The following UNC13B variants were observed in gnomAD, a reference collection of about 807,000 sequenced individuals.
UNC13B encodes the protein unc-13 homolog B, also known as protein unc-13 homolog B.
UNC13B carries 144 observed loss-of-function variants against 211.0 expected under a neutral mutation model. That is an observed-to-expected ratio of 0.68 (90% CI 0.60 to 0.78). The LOEUF is 0.78. UNC13B is among the 30% of genes least tolerant of loss of function. The probability of loss-of-function intolerance (pLI) is 0.00; values close to 1 mark genes in which losing one functional copy is unlikely to be tolerated. For synonymous variants in UNC13B, 709 were observed against 725.8 expected (o/e 0.98, Z 0.37); for missense variants, 1,777 against 2,002.0 (o/e 0.89, Z 2.14).
intron 3 of UNC13B, 140 bp from the exon 4 acceptor site, chr9:35,236,326 GGTC>G: frequency 3.1e-6 from 2 of 644,150 alleles, no homozygotes; most frequent in Non-Finnish European, 5.3e-6. Context: ...GCCTAAAAAT[GGTC>G]GTGGCATTCT....
rs542779022 is a variant in UNC13B, at chr9:35,300,349, G to T, written c.945G>T (p.Gly315=). ...LCHTEKKQNM[G]YPVLYPYKNG... The stretch of plus-strand genomic sequence containing the variant: ...ATACTGAAAAGAAACAAAATATGGG[G>T]TACCCAGTTTTGTACCCCTACAAAA... Residue 315 remains glycine (G), a synonymous_variant, in exon 9 of 40, where the codon GGG becomes GGT. Transcript: ENST00000635942. The T allele has an allele frequency of 1.1e-4, 42 of 398,922 alleles. No homozygotes were observed. The highest frequency in any genetic ancestry group is 7.8e-4 in the African/African-American group (38 of 48,736). 24.7% of individuals were successfully genotyped at this position (398,922 alleles called of 1,614,324 possible).
chr9:35,281,216 C>T (rs1329363411), intron 7 of UNC13B, among the ~76,000 whole-genome samples: 1 of 150,172 alleles, frequency 6.7e-6, no homozygotes, highest in African/African-American at 2.5e-5. Context: ...CGCCACTGCA[C>T]TCCAGCCTGG....
Position 35,236,454 on chromosome 9 carries a change from T to A in UNC13B, c.153-15T>A. 1 of 1,605,238 alleles carries A rather than the reference T, an allele frequency of 6.2e-7. No individual in the cohort carries two copies. Among genetic ancestry groups the A allele is most frequent in the Non-Finnish European group, 8.5e-7 (1 of 1,172,350 alleles). The stretch of plus-strand genomic sequence containing the variant: ...TTGTCTAGCTTTCCTCAAAGGGCTT[T>A]CCTCTTTCCCTTAGTGAGATTAGTC... On this transcript the variant is annotated splice_polypyrimidine_tract_variant and intron_variant, in intron 3 of 39. Transcript: ENST00000635942.
chr9:35,376,275 G>T (rs1168728551), intron 15 of UNC13B, 28 bp downstream of exon 15: 1 of 1,607,090 alleles, frequency 6.2e-7, no homozygotes, highest in Non-Finnish European at 8.5e-7. Context: ...TGAGGGGCGG[G>T]GAGTGGGGCA....
chr9:35,168,163 C>G (rs1387856056), intron 1 of UNC13B, among the ~76,000 whole-genome samples: 1 of 152,080 alleles, frequency 6.6e-6, no homozygotes, highest in Non-Finnish European at 1.5e-5. Context: ...AGTGATCTGC[C>G]CACCTTGGCC....
At chr9:35,190,909 C>T (rs1163320861) in intron 1 of UNC13B, among the ~76,000 whole-genome samples, 3 of 152,178 alleles carry the variant, frequency 2.0e-5, no homozygotes, top group Admixed American at 1.3e-4. Flanking sequence ...ACAGGTGAGA[C>T]CAACAAGCCT....
At chr9:35,370,170 C>T in intron 12 of UNC13B, 148 bp from the exon 13 acceptor site, 1 of 604,768 alleles carries the variant, frequency 1.7e-6, no homozygotes, top group Non-Finnish European at 2.9e-6. Context: ...CCCTGACTTT[C>T]TGTCTTTCCT....
In UNC13B at chr9:35,230,653, T is replaced by G. The variant is rs1164349846; in HGVS notation, c.53-467T>G. On this transcript the variant is annotated intron_variant, in intron 2 of 39. Coordinates refer to ENST00000635942, the MANE Select transcript of UNC13B (RefSeq NM_001371189.2). ...TTTTTTCCTTCTGGTATGTATCTCT[T>G]TCTACATTTTATTAAATTTACGTAC... Among the ~76,000 whole-genome samples, 11 of 152,242 alleles carry G rather than the reference T, an allele frequency of 7.2e-5. No homozygotes were observed. The East Asian group carries it at 2.1e-3, about 29-fold the overall frequency.
chr9:35,379,895 G>C (rs1031517206), intron 17 of UNC13B, among the ~76,000 whole-genome samples: 1 of 152,164 alleles, frequency 6.6e-6, no homozygotes, highest in African/African-American at 2.4e-5. Flanking sequence ...GAGAGCTTGA[G>C]ACAAGACCTG....
chr9:35,378,555 T>A, intron 17 of UNC13B, 119 bp downstream of exon 17: 1 of 1,316,552 alleles, frequency 7.6e-7, no homozygotes, highest in Non-Finnish European at 1.1e-6. Flanking sequence ...AAAACTCATT[T>A]CTCGCATGCT....
chr9:35,184,777 GAAGGAGAA>G (rs1376169061), intron 1 of UNC13B, among the ~76,000 whole-genome samples: 1 of 93,834 alleles, frequency 1.1e-5, no homozygotes, highest in Non-Finnish European at 2.0e-5. Context: ...AGGAAGGAAG[GAAGGAGAA>G]AGAAAGAGAA....
intron 7 of UNC13B, among the ~76,000 whole-genome samples, chr9:35,263,353 A>G (rs78297350): frequency 6.6e-6 from 1 of 152,108 alleles, no homozygotes; most frequent in Non-Finnish European, 1.5e-5. Flanking sequence ...AAAAAAAAAA[A>G]AAAGTATTAC....
At chr9:35,313,685 C>G (rs909310241) in intron 10 of UNC13B, among the ~76,000 whole-genome samples, 1 of 144,124 alleles carries the variant, frequency 6.9e-6, no homozygotes, top group Non-Finnish European at 1.6e-5. Context: ...AAAGAGGGAA[C>G]AGATGAGAAG....
chr9:35,393,965 G>T (rs928622622), intron 26 of UNC13B, among the ~76,000 whole-genome samples: 1 of 152,098 alleles, frequency 6.6e-6, no homozygotes, highest in Non-Finnish European at 1.5e-5. Flanking sequence ...AAGGCCAGTC[G>T]CTCTGTCTAC....
chr9:35,261,857 A>G (rs1458630273), intron 7 of UNC13B, among the ~76,000 whole-genome samples: 1 of 152,176 alleles, frequency 6.6e-6, no homozygotes, highest in African/African-American at 2.4e-5. Context: ...CCCACAAACG[A>G]GTGAGAACAT....
chr9:35,214,541 T>G (rs1824152330), intron 1 of UNC13B, among the ~76,000 whole-genome samples: 1 of 152,028 alleles, frequency 6.6e-6, no homozygotes. Context: ...GTGAAGAGTA[T>G]TATTGAATTT....
At chr9:35,374,622 C>T (rs943675156) in intron 13 of UNC13B, among the ~76,000 whole-genome samples, 10 of 152,246 alleles carry the variant, frequency 6.6e-5, no homozygotes, top group Admixed American at 5.2e-4. Context: ...AAGTGCCCTA[C>T]TTGTAGGCCT....
chr9:35,244,163 A>C (rs923596947), intron 6 of UNC13B, among the ~76,000 whole-genome samples: 2 of 152,164 alleles, frequency 1.3e-5, no homozygotes, highest in African/African-American at 4.8e-5. Flanking sequence ...GAATTCTGAG[A>C]AACAAAGGAG....
chr9:35,315,054 ATTTT>A (rs1156782392), intron 11 of UNC13B, among the ~76,000 whole-genome samples: 1 of 135,366 alleles, frequency 7.4e-6, no homozygotes. Flanking sequence ...TTTAAAAAAA[ATTTT>A]TTTTTTTTTT....
Sources: allele counts gnomAD v4.1 joint callset (sites outside exome capture counted in the v4.1 genomes callset), GRCh38; gene constraint gnomAD v4.1.1; transcripts MANE v1.5; gene names NCBI Gene and HGNC (gene_info 2026-07-23, HGNC 2026-07-21).